CPQ: variants seen among roughly 807,000 people sequenced by gnomAD.
CPQ encodes the protein carboxypeptidase Q, also known as Ser-Met dipeptidase.
In CPQ, 37 loss-of-function variants were observed where a neutral mutation model predicts 45.7. That is an observed-to-expected ratio of 0.81 (90% confidence interval 0.62 to 1.07). CPQ has a LOEUF of 1.07. CPQ is among the 50% of genes least tolerant of loss of function. CPQ has a pLI of 0.00. For synonymous variants in CPQ, 186 were observed against 205.8 expected (o/e 0.90, Z 0.82); for missense variants, 537 against 572.9 (o/e 0.94, Z 0.64).
intron 4 of CPQ, among the ~76,000 whole-genome samples, chr8:96,908,832 G>A (rs1812618794): frequency 6.6e-6 from 1 of 150,754 alleles, no homozygotes; most frequent in Admixed American, 6.6e-5. Flanking sequence ...TGATTTCATA[G>A]ACCCTTATAT....
At chr8:96,870,349 C>T (rs1183416275) in intron 3 of CPQ, among the ~76,000 whole-genome samples, 1 of 151,910 alleles carries the variant, frequency 6.6e-6, no homozygotes, top group African/African-American at 2.4e-5. Context: ...TATATTGGCA[C>T]CTATCTCAGA....
chr8:96,740,217 T>C (rs1210407290), intron 1 of CPQ, among the ~76,000 whole-genome samples: 1 of 152,182 alleles, frequency 6.6e-6, no homozygotes. Context: ...TTATTCTTTT[T>C]AAAGCAATTG....
intron 1 of CPQ, among the ~76,000 whole-genome samples, chr8:96,651,016 A>C (rs1815570742): frequency 6.6e-6 from 1 of 152,258 alleles, no homozygotes; most frequent in South Asian, 2.1e-4. Flanking sequence ...CTAGTAGCCT[A>C]CATCTATATT....
intron 3 of CPQ, among the ~76,000 whole-genome samples, chr8:96,855,552 G>A (rs1811835925): frequency 1.3e-5 from 2 of 152,228 alleles, no homozygotes; most frequent in South Asian, 4.2e-4. Context: ...CACTTCCCCA[G>A]GGAGGCCTTT....
chr8:97,052,281 T>A (rs1356604289), intron 6 of CPQ, among the ~76,000 whole-genome samples: 2 of 152,198 alleles, frequency 1.3e-5, no homozygotes, highest in Non-Finnish European at 2.9e-5. Context: ...AGCCTCTCTT[T>A]ATCTAAACTA....
chr8:96,909,823 G>T (rs56252425), intron 4 of CPQ, among the ~76,000 whole-genome samples: 24,669 of 152,116 alleles, frequency 0.16, 2,706 homozygotes, highest in Non-Finnish European at 0.25. Flanking sequence ...GTTTAACCCA[G>T]ATTACTTAGG....
At chr8:96,780,763 T>C (rs1210104057) in intron 1 of CPQ, among the ~76,000 whole-genome samples, 1 of 151,424 alleles carries the variant, frequency 6.6e-6, no homozygotes, top group Non-Finnish European at 1.5e-5. Context: ...AGGCTGGTCT[T>C]CCTGCCTCAG....
chr8:96,819,193 T>C (rs1210623056), intron 2 of CPQ, among the ~76,000 whole-genome samples: 2 of 132,400 alleles, frequency 1.5e-5, no homozygotes, highest in Non-Finnish European at 3.4e-5. Context: ...TCAGCAAATG[T>C]TTGAGGGGCT....
intron 3 of CPQ, among the ~76,000 whole-genome samples, chr8:96,839,141 T>G (rs1348437487): frequency 1.3e-5 from 2 of 151,964 alleles, no homozygotes; most frequent in Middle Eastern, 3.4e-3. Context: ...GATTCAAAAT[T>G]TGAGAATCCC....
At chr8:96,691,267 C>T (rs766453396) in intron 1 of CPQ, among the ~76,000 whole-genome samples, 32 of 152,254 alleles carry the variant, frequency 2.1e-4, no homozygotes, top group Middle Eastern at 3.4e-3. Context: ...CTGCCTCAGT[C>T]TTTATATGGC....
intron 4 of CPQ, among the ~76,000 whole-genome samples, chr8:96,880,561 A>ATGTATATGTGTG: frequency 1.9e-5 from 1 of 53,448 alleles, no homozygotes; most frequent in Admixed American, 1.8e-4. Flanking sequence ...ATATATATAT[A>ATGTATATGTGTG]TATATATATA....
intron 2 of CPQ, among the ~76,000 whole-genome samples, chr8:96,796,764 T>C (rs1313402004): frequency 6.6e-6 from 1 of 152,210 alleles, no homozygotes; most frequent in Admixed American, 6.5e-5. Context: ...GGATTGGTAC[T>C]TCTGCTGGTT....
At chr8:97,074,109 C>T (rs1207386258) in intron 7 of CPQ, among the ~76,000 whole-genome samples, 2 of 152,184 alleles carry the variant, frequency 1.3e-5, no homozygotes, top group Admixed American at 6.5e-5. Context: ...GTTAGTCATG[C>T]ACTGCTTTAT....
rs1811033182 is a variant in CPQ, at chr8:97,085,848, T to C, written c.1255+19638T>C. On this transcript the variant is annotated intron_variant, in intron 7 of 7. Coordinates refer to ENST00000220763, the MANE Select transcript of CPQ (RefSeq NM_016134.4). ...TTGTGGTTTCATCCACAGTGGTTAA[T>C]GGTGTTTCTTAATCTTTAAATATCA... 2.0e-5 allele frequency among the ~76,000 whole-genome samples: 3 copies of C among 152,210 alleles called. No homozygotes were observed. In the South Asian group the frequency reaches 6.2e-4, roughly 32 times the overall value.
chr8:96,994,607 A>G (rs998676552), intron 5 of CPQ, among the ~76,000 whole-genome samples: 10 of 152,130 alleles, frequency 6.6e-5, no homozygotes, highest in African/African-American at 2.2e-4. Context: ...CAATCCCTAT[A>G]ATACTAAGGA....
chr8:96,684,177 G>T (rs1195254893), intron 1 of CPQ, among the ~76,000 whole-genome samples: 2 of 152,152 alleles, frequency 1.3e-5, no homozygotes, highest in East Asian at 1.9e-4. Flanking sequence ...CTGATTTTAT[G>T]CATTGGCTTT....
chr8:96,987,573 T>C (rs1809009242), intron 5 of CPQ, among the ~76,000 whole-genome samples: 1 of 152,190 alleles, frequency 6.6e-6, no homozygotes, highest in African/African-American at 2.4e-5. Flanking sequence ...AGTCCGCGTT[T>C]GTCTGTTTTG....
intron 7 of CPQ, among the ~76,000 whole-genome samples, chr8:97,073,910 C>A (rs994367459): frequency 6.6e-6 from 1 of 152,176 alleles, no homozygotes; most frequent in African/African-American, 2.4e-5. Flanking sequence ...ATGACATCCT[C>A]ATCAATATTG....
At chr8:96,871,946 T>A (rs1457317423) in intron 3 of CPQ, among the ~76,000 whole-genome samples, 1 of 151,946 alleles carries the variant, frequency 6.6e-6, no homozygotes, top group Non-Finnish European at 1.5e-5. Context: ...GATGAGTTTG[T>A]TCTCCAAAGC....
Sources: gnomAD v4.1 joint callset for allele counts (sites outside exome capture counted in the v4.1 genomes callset) on GRCh38, gnomAD v4.1.1 for gene constraint, MANE v1.5 for transcripts, NCBI Gene and HGNC (gene_info 2026-07-23, HGNC 2026-07-21) for gene names.